The following GALNT17 variants were observed in gnomAD, a reference collection of about 807,000 sequenced individuals.
The protein encoded by GALNT17 is UDP-GalNAc:polypeptide N-acetylgalactosaminyltransferase-like 3.
A neutral mutation model predicts 63.7 loss-of-function variants in GALNT17; 29 were observed. The ratio of observed to expected loss-of-function variants is 0.46; its 90% CI spans 0.34 to 0.62. The LOEUF (loss-of-function observed/expected upper bound fraction) is 0.62, where lower values mean the gene tolerates loss of function less well. Among genes scored for constraint, GALNT17 ranks in the 20% least tolerant of loss-of-function variants. The pLI is 0.01. For synonymous variants in GALNT17, 305 were observed against 318.3 expected (o/e 0.96, Z 0.45); for missense variants, 603 against 799.6 (o/e 0.75, Z 2.97).
chr7:71,491,268 C>T (rs918770076), intron 5 of GALNT17, among the ~76,000 whole-genome samples: 19 of 152,144 alleles, frequency 1.2e-4, no homozygotes, highest in African/African-American at 2.4e-5. Flanking sequence ...GTCTCCTGCT[C>T]ATGCTCCCTG....
chr7:71,628,480 G>A (rs936684809), intron 6 of GALNT17, among the ~76,000 whole-genome samples: 3 of 152,052 alleles, frequency 2.0e-5, no homozygotes, highest in Admixed American at 6.5e-5. Context: ...GTACCACCAC[G>A]CCCAGCTAAT....
At chr7:71,455,833 C>A (rs894784632) in intron 5 of GALNT17, among the ~76,000 whole-genome samples, 1 of 152,204 alleles carries the variant, frequency 6.6e-6, no homozygotes, top group Non-Finnish European at 1.5e-5. Flanking sequence ...CCAAGTAGAG[C>A]TGGATCAAAC....
intron 1 of GALNT17, among the ~76,000 whole-genome samples, chr7:71,170,416 A>G (rs753975143): frequency 6.6e-6 from 1 of 151,980 alleles, no homozygotes; most frequent in Non-Finnish European, 1.5e-5. Flanking sequence ...GCTCACCGCA[A>G]CCTCTGCCTC....
chr7:71,223,633 G>A (rs369874897), intron 1 of GALNT17, among the ~76,000 whole-genome samples: 11 of 152,070 alleles, frequency 7.2e-5, no homozygotes, highest in East Asian at 3.9e-4. Context: ...GGGGCTTGTC[G>A]TACAGATTAT....
At chr7:71,557,299 CT>C (rs1256681509) in intron 5 of GALNT17, among the ~76,000 whole-genome samples, 4 of 152,200 alleles carry the variant, frequency 2.6e-5, no homozygotes, top group Non-Finnish European at 5.9e-5. Flanking sequence ...TCTCAATACT[CT>C]TTCTTTCTTT....
At chr7:71,606,112 GTATTTT>G (rs1449321216) in intron 6 of GALNT17, among the ~76,000 whole-genome samples, 2 of 86,776 alleles carry the variant, frequency 2.3e-5, no homozygotes, top group African/African-American at 9.0e-5. Flanking sequence ...GCTAATTTTT[GTATTTT>G]TTTTTTTTTT....
intron 5 of GALNT17, among the ~76,000 whole-genome samples, chr7:71,480,430 T>G (rs1787798669): frequency 6.6e-6 from 1 of 152,024 alleles, no homozygotes; most frequent in Non-Finnish European, 1.5e-5. Flanking sequence ...CTTTCCATTT[T>G]CCTCTCCTAC....
intron 8 of GALNT17, among the ~76,000 whole-genome samples, chr7:71,671,858 A>G (rs1791074131): frequency 6.6e-6 from 1 of 152,016 alleles, no homozygotes; most frequent in South Asian, 2.1e-4. Context: ...AGTCCTGTCT[A>G]TATAGATATA....
At chr7:71,425,854 A>G (rs1786750084) in intron 5 of GALNT17, among the ~76,000 whole-genome samples, 1 of 152,176 alleles carries the variant, frequency 6.6e-6, no homozygotes, top group South Asian at 2.1e-4. Context: ...AGGAGGTTTC[A>G]TTGGCTTAGG....
At chr7:71,656,764 C>T (rs1281589550) in intron 6 of GALNT17, among the ~76,000 whole-genome samples, 1 of 152,204 alleles carries the variant, frequency 6.6e-6, no homozygotes, top group South Asian at 2.1e-4. Context: ...GATTGGCTGG[C>T]GCCTAGGGAG....
intron 1 of GALNT17, among the ~76,000 whole-genome samples, chr7:71,320,251 A>G (rs1176305527): frequency 6.6e-6 from 1 of 151,750 alleles, no homozygotes; most frequent in Non-Finnish European, 1.5e-5. Context: ...TTTTTTTTTA[A>G]ATTGAGATAG....
At chr7:71,366,784 A>G (rs1372169690) in intron 2 of GALNT17, among the ~76,000 whole-genome samples, 1 of 152,170 alleles carries the variant, frequency 6.6e-6, no homozygotes, top group Non-Finnish European at 1.5e-5. Context: ...ATGTCACCCA[A>G]CAGTACATGA....
At chr7:71,494,625 T>C (rs1398725074) in intron 5 of GALNT17, among the ~76,000 whole-genome samples, 1 of 152,152 alleles carries the variant, frequency 6.6e-6, no homozygotes, top group Non-Finnish European at 1.5e-5. Context: ...TCCCAAACTA[T>C]TGGGAGTACA....
At chr7:71,567,084 G>A (rs1468510228) in intron 5 of GALNT17, among the ~76,000 whole-genome samples, 1 of 152,142 alleles carries the variant, frequency 6.6e-6, no homozygotes, top group Non-Finnish European at 1.5e-5. Flanking sequence ...AGCTTCAGAG[G>A]AAACATAATT....
At chr7:71,168,860 A>G in intron 1 of GALNT17, among the ~76,000 whole-genome samples, 1 of 152,208 alleles carries the variant, frequency 6.6e-6, no homozygotes, top group East Asian at 1.9e-4. Flanking sequence ...GGACCAGTTA[A>G]TTTCTGCAGG....
chr7:71,166,052 C>G (rs1788435354), intron 1 of GALNT17, among the ~76,000 whole-genome samples: 1 of 150,074 alleles, frequency 6.7e-6, no homozygotes, highest in Admixed American at 6.6e-5. Flanking sequence ...AAAGGTGCTT[C>G]CTGCATGTCC....
chr7:71,366,930 T>C (rs1204447860), intron 2 of GALNT17, among the ~76,000 whole-genome samples: 14 of 152,226 alleles, frequency 9.2e-5, no homozygotes, highest in African/African-American at 3.4e-4. Context: ...CATCTCTTCA[T>C]GTATTTATTG....
chr7:71,384,587 G>A (rs1473782882), intron 2 of GALNT17, among the ~76,000 whole-genome samples: 1 of 152,182 alleles, frequency 6.6e-6, no homozygotes, highest in Non-Finnish European at 1.5e-5. Context: ...ACCTTCATCA[G>A]CGGTAAAGAC....
chr7:71,370,418 C>T (rs1792599900), intron 2 of GALNT17, among the ~76,000 whole-genome samples: 1 of 152,166 alleles, frequency 6.6e-6, no homozygotes, highest in South Asian at 2.1e-4. Flanking sequence ...CCTGCCTCAG[C>T]CTCCTGTGTA....
Sources: gnomAD v4.1 joint callset for allele counts (sites outside exome capture counted in the v4.1 genomes callset) on GRCh38, gnomAD v4.1.1 for gene constraint, MANE v1.5 for transcripts, NCBI Gene and HGNC (gene_info 2026-07-23, HGNC 2026-07-21) for gene names.